The following AMBRA1 variants were observed in gnomAD, a reference collection of about 807,000 sequenced individuals.
The protein encoded by AMBRA1 is activating molecule in BECN1-regulated autophagy protein 1.
Under a neutral mutation model 125.4 loss-of-function variants are expected in AMBRA1, and 47 were observed. The observed-to-expected ratio is 0.37, with a 90% CI of 0.30 to 0.48. The LOEUF is 0.48. Ranked by LOEUF, AMBRA1 falls within the 20% of genes least tolerant of loss-of-function variation. The pLI is 0.99. For missense variants in AMBRA1, 1,331 were observed against 1,693.4 expected (o/e 0.79, Z 3.76); for synonymous variants, 626 against 655.5 (o/e 0.95, Z 0.69).
chr11:46,450,671 G>C (rs958134191), intron 11 of AMBRA1, among the ~76,000 whole-genome samples: 1 of 152,116 alleles, frequency 6.6e-6, no homozygotes, highest in Non-Finnish European at 1.5e-5. Context: ...TCCAACTCCT[G>C]AACTCAAGAG....
chr11:46,455,453 A>T (rs753166618), intron 11 of AMBRA1, among the ~76,000 whole-genome samples: 50 of 152,236 alleles, frequency 3.3e-4, no homozygotes, highest in Non-Finnish European at 5.7e-4. Flanking sequence ...TTGAAAGAGG[A>T]GATGCATAAC....
At chr11:46,493,540 G>A in intron 11 of AMBRA1, 68 bp downstream of exon 11, 3 of 1,278,964 alleles carry the variant, frequency 2.3e-6, no homozygotes, top group Middle Eastern at 1.9e-4. Flanking sequence ...CATAGGTAAA[G>A]GAGGGAGAAG....
chr11:46,530,339 C>T (rs1952159641), intron 7 of AMBRA1, among the ~76,000 whole-genome samples: 1 of 152,180 alleles, frequency 6.6e-6, no homozygotes. Context: ...TAATTTAGAT[C>T]AGCCTAGTAG....
intron 11 of AMBRA1, among the ~76,000 whole-genome samples, chr11:46,478,504 A>T (rs1055574882): frequency 6.6e-6 from 1 of 152,156 alleles, no homozygotes; most frequent in African/African-American, 2.4e-5. Context: ...TACCCAGAGA[A>T]AGAGAAAAGG....
At chr11:46,492,475 C>T (rs1950497254) in intron 11 of AMBRA1, among the ~76,000 whole-genome samples, 1 of 152,218 alleles carries the variant, frequency 6.6e-6, no homozygotes, top group Admixed American at 6.5e-5. Flanking sequence ...CATTTTAAAA[C>T]TTTTAATAAA....
chr11:46,403,843 G>A, intron 17 of AMBRA1, among the ~76,000 whole-genome samples: 1 of 152,094 alleles, frequency 6.6e-6, no homozygotes, highest in Middle Eastern at 3.2e-3. Context: ...AGGGCCAAGG[G>A]GAGTGGGGAG....
chr11:46,408,553 C>T lies in AMBRA1; in HGVS notation c.3363G>A (p.Glu1121=), dbSNP rs762756235. 6.3e-7 allele frequency: 1 copy of T among 1,595,154 alleles called. No individual in the cohort carries two copies. Among genetic ancestry groups the T allele is most frequent in the Non-Finnish European group, 8.6e-7 (1 of 1,168,792 alleles). The change falls in exon 17 of 18, where the codon GAG becomes GAA. Residue 1121 remains glutamate (E), a synonymous_variant. Coordinates refer to ENST00000683756, the MANE Select transcript of AMBRA1 (RefSeq NM_001387011.1). ...AGGCGGCTGTCCCTGGCTCCGGCAC[C>T]TCCCTCTCAGTCTGTGTTTCGGCAT... The part of the protein sequence containing the change: ...LQNAETQTER[E]VPEPGTAASG...
chr11:46,568,827 G>A (rs1277455281), intron 1 of AMBRA1, among the ~76,000 whole-genome samples: 4 of 26,524 alleles, frequency 1.5e-4, no homozygotes, highest in Non-Finnish European at 2.7e-4. Context: ...TTTTTTTTTT[G>A]AGACAGTCTT....
chr11:46,540,253 A>G (rs1255379681), intron 7 of AMBRA1, among the ~76,000 whole-genome samples: 1 of 152,226 alleles, frequency 6.6e-6, no homozygotes, highest in Non-Finnish European at 1.5e-5. Context: ...ACCAGAGCAC[A>G]CTGGTATTAC....
At chr11:46,476,150 GAA>G in intron 11 of AMBRA1, among the ~76,000 whole-genome samples, 1 of 152,148 alleles carries the variant, frequency 6.6e-6, no homozygotes, top group East Asian at 1.9e-4. Context: ...CAGAGAAGAG[GAA>G]AAAGTGTCCA....
chr11:46,583,054 G>A (rs1311492466), intron 1 of AMBRA1, among the ~76,000 whole-genome samples: 1 of 151,984 alleles, frequency 6.6e-6, no homozygotes, highest in Non-Finnish European at 1.5e-5. Flanking sequence ...TCAATCCTAA[G>A]CCAAAAGAAC....
At chr11:46,451,271 G>T (rs1017671039) in intron 11 of AMBRA1, among the ~76,000 whole-genome samples, 2 of 152,168 alleles carry the variant, frequency 1.3e-5, no homozygotes, top group Non-Finnish European at 2.9e-5. Context: ...AAGCTGCCAA[G>T]TCTCATTCCA....
At chr11:46,561,691 A>G (rs1260799154) in intron 1 of AMBRA1, among the ~76,000 whole-genome samples, 1 of 152,178 alleles carries the variant, frequency 6.6e-6, no homozygotes, top group Non-Finnish European at 1.5e-5. Context: ...TGACTAAAAT[A>G]GGGAAAGAAA....
In AMBRA1 at chr11:46,443,568, A is replaced by G; in HGVS notation, c.2552T>C (p.Val851Ala). The G allele has an allele frequency of 6.2e-7, 1 of 1,614,184 alleles. No individual in the cohort carries two copies. Among genetic ancestry groups the G allele is most frequent in the Non-Finnish European group, 8.5e-7 (1 of 1,180,022 alleles). ...GAVIGDGQSA[V>A]ASNIANTTYR... ...GGTAGTATTGGCAATGTTACTGGCC[A>G]CAGCAGACTGTCCATCACCGATCAC... The change falls in exon 12 of 18, where the codon GTG (valine) becomes GCG (alanine). Residue 851 changes from valine to alanine, a missense_variant. This residue lies in a region of AMBRA1 where 354 missense variants were observed against 532.7 expected (regional missense o/e 0.66). Transcript: ENST00000683756.
At chr11:46,556,407 G>A (rs965943372) in intron 1 of AMBRA1, among the ~76,000 whole-genome samples, 18 of 152,238 alleles carry the variant, frequency 1.2e-4, no homozygotes, top group African/African-American at 2.6e-4. Flanking sequence ...ACACATTCCC[G>A]AAGGCAAACA....
At chr11:46,512,450 A>ATGAC (rs1390619521) in intron 8 of AMBRA1, among the ~76,000 whole-genome samples, 1 of 152,188 alleles carries the variant, frequency 6.6e-6, no homozygotes, top group Non-Finnish European at 1.5e-5. Context: ...AGAGTATCCT[A>ATGAC]TGACTACCTG....
chr11:46,535,919 A>G (rs1264667856), intron 7 of AMBRA1, among the ~76,000 whole-genome samples: 1 of 152,192 alleles, frequency 6.6e-6, no homozygotes, highest in African/African-American at 2.4e-5. Flanking sequence ...GCTTCAGGAC[A>G]ACCCATTCAC....
At chr11:46,409,410 G>A (rs1025232658) in intron 16 of AMBRA1, among the ~76,000 whole-genome samples, 2 of 152,172 alleles carry the variant, frequency 1.3e-5, no homozygotes, top group African/African-American at 4.8e-5. Flanking sequence ...ATGTTGGCCA[G>A]GATGGTCTCC....
At chr11:46,519,715 T>TA (rs1951674548) in intron 7 of AMBRA1, among the ~76,000 whole-genome samples, 1 of 152,202 alleles carries the variant, frequency 6.6e-6, no homozygotes, top group South Asian at 2.1e-4. Context: ...GCCTAGGAAA[T>TA]AAAATCCAGA....
Sources: allele counts gnomAD v4.1 joint callset (sites outside exome capture counted in the v4.1 genomes callset), GRCh38; gene constraint gnomAD v4.1.1; regional missense constraint gnomAD v4.1.1; transcripts MANE v1.5; gene names NCBI Gene and HGNC (gene_info 2026-07-23, HGNC 2026-07-21).